The following TTC28 variants were observed in gnomAD, a reference collection of about 807,000 sequenced individuals.
TTC28 encodes tetratricopeptide repeat domain 28.
TTC28 carries 61 observed loss-of-function variants against 198.0 expected under a neutral mutation model. The observed-to-expected ratio is 0.31, with a 90% CI of 0.25 to 0.38. The LOEUF is 0.38. Ranked by LOEUF, TTC28 falls within the 10% of genes least tolerant of loss-of-function variation. The pLI is 1.00. For synonymous variants in TTC28, 1,171 were observed against 1,297.8 expected (o/e 0.90, Z 2.10); for missense variants, 2,678 against 3,164.0 (o/e 0.85, Z 3.69).
intron 2 of TTC28, among the ~76,000 whole-genome samples, chr22:28,542,607 A>G (rs2049439894): frequency 2.0e-5 from 3 of 152,120 alleles, no homozygotes; most frequent in Non-Finnish European, 4.4e-5. Flanking sequence ...TTATTAAAAT[A>G]TTACATTACA....
At chr22:28,491,027 T>G (rs866567005) in intron 2 of TTC28, among the ~76,000 whole-genome samples, 9 of 152,148 alleles carry the variant, frequency 5.9e-5, no homozygotes, top group Non-Finnish European at 1.0e-4. Flanking sequence ...AGAAGTTTTT[T>G]GGGGGGAAAT....
intron 2 of TTC28, among the ~76,000 whole-genome samples, chr22:28,504,007 A>G (rs1294178188): frequency 6.6e-6 from 1 of 152,252 alleles, no homozygotes; most frequent in African/African-American, 2.4e-5. Context: ...ATTACGCTTG[A>G]GTCAATAGAC....
At chr22:28,530,717 G>C (rs1238069355) in intron 2 of TTC28, among the ~76,000 whole-genome samples, 1 of 152,194 alleles carries the variant, frequency 6.6e-6, no homozygotes, top group African/African-American at 2.4e-5. Flanking sequence ...TGTCTCGGCA[G>C]AAACTCTACA....
intron 6 of TTC28, among the ~76,000 whole-genome samples, chr22:28,118,170 G>A (rs577854765): frequency 1.2e-4 from 18 of 152,218 alleles, no homozygotes; most frequent in South Asian, 1.0e-3. Flanking sequence ...AGGCCAAGGC[G>A]GGTGGATCAC....
chr22:28,426,327 G>A (rs1227127512), intron 2 of TTC28, among the ~76,000 whole-genome samples: 2 of 151,910 alleles, frequency 1.3e-5, no homozygotes, highest in Non-Finnish European at 2.9e-5. Context: ...CCTTCCTTTG[G>A]TTATCTTCAG....
At chr22:28,372,339 G>A (rs2046350556) in intron 2 of TTC28, among the ~76,000 whole-genome samples, 1 of 152,122 alleles carries the variant, frequency 6.6e-6, no homozygotes, top group Non-Finnish European at 1.5e-5. Flanking sequence ...TTTCACTACA[G>A]GATATTTTTA....
intron 8 of TTC28, among the ~76,000 whole-genome samples, chr22:28,103,925 T>A (rs1942227086): frequency 6.6e-6 from 1 of 152,190 alleles, no homozygotes; most frequent in African/African-American, 2.4e-5. Context: ...CAGTCAAGTT[T>A]CAGGAAATTA....
chr22:28,290,632 C>G (rs1489765176), intron 5 of TTC28, among the ~76,000 whole-genome samples: 8 of 152,058 alleles, frequency 5.3e-5, no homozygotes, highest in Non-Finnish European at 1.0e-4. Context: ...ACAATGAGGG[C>G]CTGGCGTGGT....
In TTC28 at chr22:28,629,677, C is replaced by G. The variant is rs2146205434; in HGVS notation, c.256G>C (p.Ala86Pro). Residue 86 changes from alanine (A) to proline (P), a missense_variant, in exon 2 of 23, where the codon GCT becomes CCT. Ala to Pro is a conservative substitution (Grantham distance 27). Around this residue, in one of 8 missense-constraint regions of TTC28, gnomAD observed 176 missense variants for 197.9 expected, o/e 0.89. Transcript: ENST00000397906. ...AAGATGCAGTTCTGAGGGTCAACAG[C>G]CAGGGCTTCATTATACAGAACAATA... ...TAIVLYNEAL[A>P]VDPQNCILYS... The G allele has an allele frequency of 6.4e-7, 1 of 1,551,656 alleles. No individual in the cohort carries two copies. The highest frequency in any genetic ancestry group is 1.2e-5 in the South Asian group (1 of 84,046).
At chr22:28,520,892 A>C (rs1340397774) in intron 2 of TTC28, among the ~76,000 whole-genome samples, 1 of 152,086 alleles carries the variant, frequency 6.6e-6, no homozygotes, top group Non-Finnish European at 1.5e-5. Flanking sequence ...GTCTCTACTA[A>C]AAATACAAAA....
rs756337436 is a variant in TTC28, at chr22:28,014,341, C to T, written c.4125G>A (p.Gln1375=). 85 of 1,551,660 alleles carry T rather than the reference C, an allele frequency of 5.5e-5. No homozygotes were observed. Among genetic ancestry groups the T allele is most frequent in the South Asian group, 2.1e-4 (18 of 84,052 alleles). The change falls in exon 14 of 23, where the codon CAG becomes CAA. Residue 1375 remains glutamine (Q), a synonymous_variant. Coordinates refer to ENST00000397906, the MANE Select transcript of TTC28 (RefSeq NM_001145418.2). ...SLFSNTVSPT[Q]DGTSSLPRRQ... ...TCCTGGGAAGAGAGGAGGTCCCGTC[C>T]TGGGTCGGTGACACAGTGTTACTGA...
At chr22:28,588,943 A>C (rs1358379025) in intron 2 of TTC28, among the ~76,000 whole-genome samples, 1 of 151,992 alleles carries the variant, frequency 6.6e-6, no homozygotes, top group Non-Finnish European at 1.5e-5. Context: ...AACACATAGA[A>C]CTCCAGGCCA....
chr22:28,521,052 GAACAA>G (rs745366799), intron 2 of TTC28, among the ~76,000 whole-genome samples: 6 of 151,758 alleles, frequency 4.0e-5, no homozygotes, highest in Non-Finnish European at 8.8e-5. Flanking sequence ...ACTCTATCTC[GAACAA>G]AACAAAACAA....
At chr22:28,388,788 C>T (rs1365138249) in intron 2 of TTC28, among the ~76,000 whole-genome samples, 2 of 152,196 alleles carry the variant, frequency 1.3e-5, no homozygotes, top group East Asian at 3.8e-4. Flanking sequence ...CATCTGCAAA[C>T]AGGGACAATT....
intron 1 of TTC28, among the ~76,000 whole-genome samples, chr22:28,672,806 A>C (rs2145712994): frequency 6.6e-6 from 1 of 152,344 alleles, no homozygotes; most frequent in South Asian, 2.1e-4. Context: ...TATGGCTGTA[A>C]TTGGCCTCAC....
At chr22:28,539,684 C>T (rs1013158389) in intron 2 of TTC28, among the ~76,000 whole-genome samples, 1 of 151,126 alleles carries the variant, frequency 6.6e-6, no homozygotes, top group African/African-American at 2.4e-5. Context: ...ATGGAAAGGA[C>T]AGTCAAATGG....
chr22:28,568,490 T>A (rs1479658191), intron 2 of TTC28, among the ~76,000 whole-genome samples: 1 of 152,166 alleles, frequency 6.6e-6, no homozygotes, highest in Non-Finnish European at 1.5e-5. Flanking sequence ...GGCTCCTAGA[T>A]CTGATAACTA....
intron 6 of TTC28, among the ~76,000 whole-genome samples, chr22:28,125,948 C>G (rs1942903629): frequency 3.3e-5 from 5 of 152,096 alleles, no homozygotes; most frequent in Non-Finnish European, 7.3e-5. Context: ...AGAAACTGCA[C>G]ATACCCATCT....
At chr22:28,492,551 G>A (rs1010418630) in intron 2 of TTC28, among the ~76,000 whole-genome samples, 1 of 152,106 alleles carries the variant, frequency 6.6e-6, no homozygotes, top group Non-Finnish European at 1.5e-5. Context: ...GGAAAAAGGG[G>A]CAATTTTTGA....
Sources: gnomAD v4.1 joint callset for allele counts (sites outside exome capture counted in the v4.1 genomes callset) on GRCh38, gnomAD v4.1.1 for gene constraint, gnomAD v4.1.1 regional missense constraint, MANE v1.5 for transcripts, NCBI Gene and HGNC (gene_info 2026-07-23, HGNC 2026-07-21) for gene names.